Variants in ANGPT4 observed in about 807,000 individuals in gnomAD.
ANGPT4 encodes the protein angiopoietin-4.
ANGPT4 carries 50 observed loss-of-function variants against 53.0 expected under a neutral mutation model. That is an observed-to-expected ratio of 0.94 (90% CI 0.75 to 1.20). The LOEUF is 1.20. Ranked by LOEUF, ANGPT4 falls within the 50% of genes most tolerant of loss-of-function variation. ANGPT4 has a pLI of 0.00. For missense variants in ANGPT4, 648 were observed against 637.1 expected, an observed-to-expected ratio of 1.02 and a Z score of -0.18; for synonymous variants, 251 against 259.7, an observed-to-expected ratio of 0.97 and a Z score of 0.32.
intron 2 of ANGPT4, among the ~76,000 whole-genome samples, chr20:888,841 C>T (rs1387763642): frequency 6.6e-6 from 1 of 152,190 alleles, no homozygotes; most frequent in Non-Finnish European, 1.5e-5. Context: ...TAGCCTGGGG[C>T]TGCCTCTTAA....
intron 1 of ANGPT4, among the ~76,000 whole-genome samples, chr20:898,280 C>T (rs1445467053): frequency 6.6e-6 from 1 of 152,172 alleles, no homozygotes; most frequent in Non-Finnish European, 1.5e-5. Context: ...CCTGCTCACA[C>T]CCAGTCTGGC....
intron 1 of ANGPT4, among the ~76,000 whole-genome samples, chr20:905,126 T>A (rs1982428176): frequency 6.6e-6 from 1 of 152,138 alleles, no homozygotes; most frequent in African/African-American, 2.4e-5. Flanking sequence ...CCTGAAAATG[T>A]CACCTCCTCT....
chr20:886,709 C>G (rs908449184), intron 3 of ANGPT4, among the ~76,000 whole-genome samples: 1 of 152,138 alleles, frequency 6.6e-6, no homozygotes, highest in Non-Finnish European at 1.5e-5. Context: ...TGTTGAGTAG[C>G]TTATGTAAGG....
At position 873,181 on chromosome 20, in the gene ANGPT4, G is replaced by C. The variant is rs367899748; in HGVS notation, c.1352-61C>G. On this transcript the variant is annotated intron_variant, in intron 8 of 8. Transcript: ENST00000381922. Reference sequence around the variant, plus strand: ...TGGGAGCCCAGCCAGTGGCAAGAGGGCAGCCCCTGTGTCCCAAAGAGAACA... The same window carrying C: ...TGGGAGCCCAGCCAGTGGCAAGAGGCCAGCCCCTGTGTCCCAAAGAGAACA... 7 of 1,377,430 alleles carry C rather than the reference G, an allele frequency of 5.1e-6. No individual in the cohort carries two copies. In the Admixed American group the frequency reaches 9.8e-5, roughly 19 times the overall value. 85.3% of individuals were successfully genotyped at this position (1,377,430 alleles called of 1,614,324 possible). A position where few individuals can be genotyped will look rare whatever the true frequency, so the allele number is the denominator to read the frequency against.
chr20:876,345 C>CACAAT (rs1263241096), intron 7 of ANGPT4, among the ~76,000 whole-genome samples: 4 of 152,004 alleles, frequency 2.6e-5, no homozygotes, highest in African/African-American at 4.8e-5. Flanking sequence ...GTGTCTGTCG[C>CACAAT]CAGGGAAATG....
chr20:889,214 T>C (rs1314809683), intron 2 of ANGPT4, among the ~76,000 whole-genome samples: 1 of 145,124 alleles, frequency 6.9e-6, no homozygotes, highest in African/African-American at 2.6e-5. Flanking sequence ...TCTTGCTCTC[T>C]CTTCCATGCT....
At chr20:890,102 G>A in intron 2 of ANGPT4, 111 bp downstream of exon 2, 2 of 1,346,336 alleles carry the variant, frequency 1.5e-6, no homozygotes, top group Admixed American at 2.2e-5. Flanking sequence ...TACAGGCCCA[G>A]AGGAGGCCTT....
At chr20:896,657 C>T (rs1982064635) in intron 1 of ANGPT4, among the ~76,000 whole-genome samples, 1 of 152,098 alleles carries the variant, frequency 6.6e-6, no homozygotes, top group African/African-American at 2.4e-5. Flanking sequence ...GAGAGTAGTG[C>T]TTTGTATGGA....
At chr20:894,330 A>G (rs1038953163) in intron 1 of ANGPT4, among the ~76,000 whole-genome samples, 1 of 152,144 alleles carries the variant, frequency 6.6e-6, no homozygotes, top group Non-Finnish European at 1.5e-5. Context: ...CCCCCTCTCA[A>G]CAGGAAAACC....
At chr20:909,306 T>A (rs1445983190) in intron 1 of ANGPT4, among the ~76,000 whole-genome samples, 1 of 152,148 alleles carries the variant, frequency 6.6e-6, no homozygotes, top group Non-Finnish European at 1.5e-5. Flanking sequence ...AATAGTAGCA[T>A]CTCCTGGTTC....
At chr20:877,665 T>C (rs1284074815) in intron 7 of ANGPT4, among the ~76,000 whole-genome samples, 3 of 152,198 alleles carry the variant, frequency 2.0e-5, no homozygotes, top group Non-Finnish European at 4.4e-5. Context: ...TTGATGATCT[T>C]ACAAGATCGT....
Position 888,383 on chromosome 20 carries a change from G to T in ANGPT4, c.522C>A (p.Thr174=). 1 of 1,613,828 alleles carries T rather than the reference G, an allele frequency of 6.2e-7. No individual in the cohort carries two copies. The highest frequency in any genetic ancestry group is 8.5e-7 in the Non-Finnish European group (1 of 1,179,954). The change falls in exon 3 of 9, where the codon ACC becomes ACA. Residue 174 remains threonine, a synonymous_variant. Coordinates refer to ENST00000381922, the MANE Select transcript of ANGPT4 (RefSeq NM_015985.4). The stretch of plus-strand genomic sequence containing the variant: ...GCAGCAGCTGGTTCTCCAGCTTGTT[G>T]GTGGACAGAAAGGTCTCTGGCATCT... The part of the protein sequence containing the change: ...DAQMPETFLS[T]NKLENQLLLQ...
intron 3 of ANGPT4, among the ~76,000 whole-genome samples, chr20:886,146 G>A (rs1451657419): frequency 6.6e-6 from 1 of 152,176 alleles, no homozygotes; most frequent in Non-Finnish European, 1.5e-5. Flanking sequence ...TAGAAGCAAA[G>A]AGGAGTTTTT....
At chr20:891,750 T>A (rs1981855438) in intron 1 of ANGPT4, among the ~76,000 whole-genome samples, 1 of 152,210 alleles carries the variant, frequency 6.6e-6, no homozygotes, top group Non-Finnish European at 1.5e-5. Flanking sequence ...TTCACTCCCA[T>A]CCCTTCCTCA....
At chr20:885,375 C>T (rs1449494970) in intron 3 of ANGPT4, 50 bp from the exon 4 acceptor site, 1 of 1,464,514 alleles carries the variant, frequency 6.8e-7, no homozygotes, top group Non-Finnish European at 9.0e-7. Flanking sequence ...TCGCGAAGCA[C>T]GCACCCCCGC....
chr20:881,114 G>T, intron 5 of ANGPT4, 57 bp downstream of exon 5: 1 of 1,365,878 alleles, frequency 7.3e-7, no homozygotes, highest in Non-Finnish European at 9.9e-7. Flanking sequence ...GTGTCTGTTT[G>T]GGAAGCCCTT....
intron 1 of ANGPT4, among the ~76,000 whole-genome samples, chr20:894,250 G>A (rs1408340097): frequency 6.6e-6 from 1 of 152,114 alleles, no homozygotes; most frequent in Admixed American, 6.6e-5. Flanking sequence ...AGGTGGATGC[G>A]GTCACCTTCC....
Position 881,297 on chromosome 20 carries a change from A to G in ANGPT4, c.836-11T>C. ...CTGCCATTATGAAGGCTGCAAAGGG[A>G]CAACACAAAAGTCAGTTGGAGGTGG... is the stretch of plus-strand genomic sequence containing the variant. On this transcript the variant is annotated splice_polypyrimidine_tract_variant and intron_variant, in intron 4 of 8. Coordinates refer to ENST00000381922, the MANE Select transcript of ANGPT4 (RefSeq NM_015985.4). 1.2e-6 allele frequency: 2 copies of G among 1,613,182 alleles called. No individual in the cohort carries two copies. The highest frequency in any genetic ancestry group is 8.5e-7 in the Non-Finnish European group (1 of 1,179,108).
chr20:904,678 G>A (rs558956651), intron 1 of ANGPT4, among the ~76,000 whole-genome samples: 1 of 152,322 alleles, frequency 6.6e-6, no homozygotes, highest in South Asian at 2.1e-4. Context: ...CCAGGCTGGA[G>A]TGCAATGGTG....
Sources: gnomAD v4.1 joint callset for allele counts (sites outside exome capture counted in the v4.1 genomes callset) on GRCh38, gnomAD v4.1.1 for gene constraint, MANE v1.5 for transcripts, NCBI Gene and HGNC (gene_info 2026-07-23, HGNC 2026-07-21) for gene names.